Variants in SLC4A7 observed in about 807,000 individuals in gnomAD.
SLC4A7 encodes solute carrier family 4 member 7, also known as sodium bicarbonate cotransporter 3.
A neutral mutation model predicts 137.6 loss-of-function variants in SLC4A7; 51 were observed. The observed-to-expected ratio is 0.37, with a 90% CI of 0.30 to 0.47. The LOEUF is 0.47. Among genes scored for constraint, SLC4A7 ranks in the 20% least tolerant of loss-of-function variants. The probability of loss-of-function intolerance (pLI) is 1.00; values close to 1 mark genes in which losing one functional copy is unlikely to be tolerated. For synonymous variants in SLC4A7, 542 were observed against 518.6 expected, an observed-to-expected ratio of 1.05 and a Z score of -0.61; for missense variants, 1,247 against 1,525.4, an observed-to-expected ratio of 0.82 and a Z score of 3.04.
intron 25 of SLC4A7, among the ~76,000 whole-genome samples, chr3:27,377,518 G>A (rs542967509): frequency 2.6e-5 from 4 of 152,118 alleles, no homozygotes; most frequent in South Asian, 2.1e-4. Context: ...CCAGCCTCCC[G>A]AGTAGCTGTG....
At chr3:27,405,293 G>A (rs6805374) in intron 13 of SLC4A7, among the ~76,000 whole-genome samples, 19,371 of 151,862 alleles carry the variant, frequency 0.13, 1,218 homozygotes, top group Middle Eastern at 0.19. Flanking sequence ...ATGCTCATTA[G>A]AGCACTTCAG....
At chr3:27,400,906 T>C (rs780672651) in intron 15 of SLC4A7, 37 bp from the exon 16 acceptor site, 4 of 1,112,554 alleles carry the variant, frequency 3.6e-6, no homozygotes, top group Non-Finnish European at 5.4e-6. Flanking sequence ...TTAAGGATCC[T>C]GAATTTCATG....
In SLC4A7 at chr3:27,376,539, A is replaced by T. The variant is rs2049907825; in HGVS notation, c.*225T>A. On this transcript the variant is annotated 3_prime_UTR_variant, in exon 26 of 26. Transcript: ENST00000454389. ...AAAACAGAAAATTTTTTTTTCTAACAGAATAAATATTTGAATAGTTAAGAA... is the reference window on the plus strand; with the variant it reads ...AAAACAGAAAATTTTTTTTTCTAACTGAATAAATATTTGAATAGTTAAGAA... 3.2e-6 allele frequency: 1 copy of T among 309,264 alleles called. No homozygotes were observed. Among genetic ancestry groups the T allele is most frequent in the African/African-American group, 2.2e-5 (1 of 46,394 alleles). The allele number at this position is 309,264 out of a possible 1,614,324, so 19.2% of individuals were successfully genotyped here. A position where few individuals can be genotyped will look rare whatever the true frequency, so the allele number is the denominator to read the frequency against.
chr3:27,459,921 C>T (rs906655390), intron 1 of SLC4A7, among the ~76,000 whole-genome samples: 2 of 151,238 alleles, frequency 1.3e-5, no homozygotes, highest in African/African-American at 4.8e-5. Flanking sequence ...TTTTCTCCAA[C>T]ACACCCATAT....
At chr3:27,463,473 G>GCGGTTGCAGTCAGCCGAGAT (rs1318951231) in intron 1 of SLC4A7, among the ~76,000 whole-genome samples, 7 of 152,206 alleles carry the variant, frequency 4.6e-5, no homozygotes, top group Non-Finnish European at 1.0e-4. Context: ...GAGCGTGGTG[G>GCGGTTGCAGTCAGCCGAGAT]CGGTTGCAGT....
At chr3:27,430,558 T>C (rs1437002709) in intron 7 of SLC4A7, among the ~76,000 whole-genome samples, 1 of 138,652 alleles carries the variant, frequency 7.2e-6, no homozygotes, top group Non-Finnish European at 1.5e-5. Context: ...AGGTGGAGGT[T>C]ACAGTGAGCT....
At position 27,434,194 on chromosome 3, in the gene SLC4A7, A is replaced by G. The variant is rs559025958; in HGVS notation, c.590-90T>C. 5.1e-5 allele frequency: 44 copies of G among 860,264 alleles called. No individual in the cohort carries two copies. The African/African-American group carries it at 7.3e-4, about 14-fold the overall frequency. The allele number at this position is 860,264 out of a possible 1,614,324, so 53.3% of individuals were successfully genotyped here. On this transcript the variant is annotated intron_variant, in intron 5 of 25. Coordinates refer to ENST00000454389, the MANE Select transcript of SLC4A7 (RefSeq NM_001321103.2). ...TGAGTGAAACCTTATGACAAAAATTAGAACCTTAAATAGCTCTAGAAAGTT... is the reference window on the plus strand; with the variant it reads ...TGAGTGAAACCTTATGACAAAAATTGGAACCTTAAATAGCTCTAGAAAGTT...
At chr3:27,472,773 T>A (rs1446246558) in intron 1 of SLC4A7, among the ~76,000 whole-genome samples, 1 of 152,182 alleles carries the variant, frequency 6.6e-6, no homozygotes, top group African/African-American at 2.4e-5. Flanking sequence ...CTATCAAAAT[T>A]CCTTTTCAAA....
At chr3:27,408,063 C>T (rs2053554304) in intron 13 of SLC4A7, among the ~76,000 whole-genome samples, 2 of 152,204 alleles carry the variant, frequency 1.3e-5, no homozygotes, top group Admixed American at 1.3e-4. Context: ...TACAGCTCTT[C>T]CTTTATCTCA....
rs1004490332 is a variant in SLC4A7, at chr3:27,469,299, C to T, written c.60+14768G>A. On this transcript the variant is annotated intron_variant, in intron 1 of 25. Transcript: ENST00000454389. The stretch of plus-strand genomic sequence containing the variant: ...GCAGCAGACACCAGCTGGGTGTCCT[C>T]TAATTAATTAATTCCAACACTACCT... 1.3e-5 allele frequency among the ~76,000 whole-genome samples: 2 copies of T among 152,114 alleles called. 1 individual carries two copies. Among genetic ancestry groups the T allele is most frequent in the Non-Finnish European group, 2.9e-5 (2 of 68,028 alleles).
intron 1 of SLC4A7, among the ~76,000 whole-genome samples, chr3:27,472,670 A>T (rs535883553): frequency 6.6e-6 from 1 of 152,302 alleles, no homozygotes; most frequent in East Asian, 1.9e-4. Context: ...ATATGAATTC[A>T]AATTCTGATG....
intron 11 of SLC4A7, among the ~76,000 whole-genome samples, chr3:27,418,217 G>T (rs116217056): frequency 0.022 from 3,362 of 152,108 alleles, 92 homozygotes; most frequent in South Asian, 0.11. Flanking sequence ...AAAAAAGCAA[G>T]GTACAGAACG....
intron 1 of SLC4A7, among the ~76,000 whole-genome samples, chr3:27,475,748 C>T (rs1351246893): frequency 6.6e-6 from 1 of 152,136 alleles, no homozygotes; most frequent in Non-Finnish European, 1.5e-5. Flanking sequence ...GGAAGTTCCT[C>T]TTGGACATTT....
At chr3:27,483,995 G>A (rs1378574309) in intron 1 of SLC4A7, 72 bp downstream of exon 1, 2 of 1,169,168 alleles carry the variant, frequency 1.7e-6, no homozygotes, top group African/African-American at 1.6e-5. Flanking sequence ...CGCCCGCCGC[G>A]CCCCCCGCCT....
intron 3 of SLC4A7, among the ~76,000 whole-genome samples, chr3:27,446,875 G>T (rs6551202): frequency 0.031 from 2,784 of 90,856 alleles, 105 homozygotes; most frequent in Non-Finnish European, 0.039. Flanking sequence ...GTTTTTTTTT[G>T]TTTTTTTTTG....
intron 6 of SLC4A7, among the ~76,000 whole-genome samples, chr3:27,432,723 C>T (rs1175991009): frequency 6.6e-6 from 1 of 152,078 alleles, no homozygotes; most frequent in Non-Finnish European, 1.5e-5. Context: ...GCTAAAATGG[C>T]ATTTAAAAGA....
chr3:27,440,700 C>A (rs1320595355), intron 3 of SLC4A7, among the ~76,000 whole-genome samples: 2 of 151,930 alleles, frequency 1.3e-5, no homozygotes, highest in East Asian at 1.9e-4. Flanking sequence ...TATACTCCAG[C>A]CTGGGTGGCA....
At chr3:27,463,797 C>T (rs1291501460) in intron 1 of SLC4A7, among the ~76,000 whole-genome samples, 4 of 152,142 alleles carry the variant, frequency 2.6e-5, no homozygotes, top group African/African-American at 9.7e-5. Context: ...AGATGGGCAG[C>T]CTGTTAGCAG....
rs2050594346 is a variant in SLC4A7 at position 27,383,164 on chromosome 3, G to A, written c.3579C>T (p.Ala1193=). The A allele has an allele frequency of 6.2e-7, 1 of 1,606,534 alleles. No homozygotes were observed. The highest frequency in any genetic ancestry group is 8.5e-7 in the Non-Finnish European group (1 of 1,173,446). The change falls in exon 24 of 26, where the codon GCC becomes GCT. Residue 1193 remains alanine, a synonymous_variant. Coordinates refer to ENST00000454389, the MANE Select transcript of SLC4A7 (RefSeq NM_001321103.2). ...GGSLLQIPVK[A]LKYSVDPSIV... ...AAGTCATATCTCACCTATATTTTAG[G>A]GCCTTGACTGGAATTTGCAAGAGAC...
Sources: allele counts gnomAD v4.1 joint callset (sites outside exome capture counted in the v4.1 genomes callset), GRCh38; gene constraint gnomAD v4.1.1; transcripts MANE v1.5; gene names NCBI Gene and HGNC (gene_info 2026-07-23, HGNC 2026-07-21).